Variants in TTN observed in about 807,000 individuals in gnomAD.
The protein encoded by TTN is titin.
A neutral mutation model predicts 3,223.0 loss-of-function variants in TTN; 1,525 were observed. The ratio of observed to expected loss-of-function variants is 0.47; its 90% confidence interval spans 0.45 to 0.49. The LOEUF (loss-of-function observed/expected upper bound fraction) is 0.49. Ranked by LOEUF, TTN falls within the 20% of genes least tolerant of loss-of-function variation. The pLI is 0.00. For missense variants in TTN, 40,786 were observed against 43,424.0 expected, an observed-to-expected ratio of 0.94 and a Z score of 5.40; for synonymous variants, 14,094 against 15,161.0, an observed-to-expected ratio of 0.93 and a Z score of 5.17.
chr2:178,758,895 G>T, intron 44 of TTN, 89 bp downstream of exon 44: 1 of 1,318,930 alleles, frequency 7.6e-7, no homozygotes, highest in Non-Finnish European at 1.1e-6. Context: ...GAACAACAAT[G>T]ATTTACATGA....
At chr2:178,806,743 G>A (rs1403056132) in intron 1 of TTN, among the ~76,000 whole-genome samples, 1 of 152,200 alleles carries the variant, frequency 6.6e-6, no homozygotes, top group African/African-American at 2.4e-5. Context: ...CAGCAGGCAA[G>A]TGTTCTGTCA....
At chr2:178,693,125 C>A (rs2072881444) in intron 119 of TTN, among the ~76,000 whole-genome samples, 1 of 151,868 alleles carries the variant, frequency 6.6e-6, no homozygotes, top group African/African-American at 2.4e-5. Context: ...TATGGCATTT[C>A]CACCACACAG....
rs1404462483 is a variant in TTN at position 178,531,977 on chromosome 2, C to T, written c.104638G>A (p.Glu34880Lys). ...CTGGGGGATCGTGGGCGAGTTCTCTCTGGAGTAGGTGACCTTCTTTCTGTG... is the reference window on the plus strand; with the variant it reads ...CTGGGGGATCGTGGGCGAGTTCTCTTTGGAGTAGGTGACCTTCTTTCTGTG... The part of the protein sequence containing the change: ...DDTERRSPTP[E>K]RTRPRSPSPV... The change falls in exon 358 of 363, where the codon GAG becomes AAG. Residue 34880 changes from glutamate to lysine, a missense_variant. Coordinates refer to ENST00000589042, the MANE Select transcript of TTN (RefSeq NM_001267550.2). 1 of 1,613,748 alleles carries T rather than the reference C, an allele frequency of 6.2e-7. No individual in the cohort carries two copies. Among genetic ancestry groups the T allele is most frequent in the Non-Finnish European group, 8.5e-7 (1 of 1,179,822 alleles).
Position 178,629,298 on chromosome 2 carries a change from T to C in TTN, c.44424+3A>G. ...GGAAAGACAAGGCATGCCTGCTTTT[T>C]ACCTTATCGCTGGGCTCTAGTTTCT... On this transcript the variant is annotated splice_donor_region_variant and intron_variant, in intron 240 of 362. Coordinates refer to ENST00000589042, the MANE Select transcript of TTN (RefSeq NM_001267550.2). 1 of 1,612,234 alleles carries C rather than the reference T, an allele frequency of 6.2e-7. No homozygotes were observed. The highest frequency in any genetic ancestry group is 8.5e-7 in the Non-Finnish European group (1 of 1,178,996).
intron 47 of TTN, chr2:178,749,338 G>A: frequency 1.9e-6 from 3 of 1,612,698 alleles, no homozygotes; most frequent in Non-Finnish European, 1.7e-6. Context: ...GACATTGTAT[G>A]AATTCAGCCC....
rs773238847 is a variant in TTN, at chr2:178,599,792, G to A, written c.56109C>T (p.Asn18703=). The part of the protein sequence containing the change: ...FMEVEEGTNV[N]IVAKIKGVPF... The stretch of plus-strand genomic sequence containing the variant: ...GCACACCTTTAATTTTGGCCACAAT[G>A]TTAACATTGGTTCCTTCTTCAACCT... The change falls in exon 289 of 363, where the codon AAC becomes AAT. Residue 18703 remains asparagine (N), a synonymous_variant. Transcript: ENST00000589042. 1 of 1,609,914 alleles carries A rather than the reference G, an allele frequency of 6.2e-7. No individual in the cohort carries two copies. Among genetic ancestry groups the A allele is most frequent in the East Asian group, 2.2e-5 (1 of 44,594 alleles).
At chr2:178,609,071 A>G in intron 273 of TTN, 137 bp downstream of exon 273, 4 of 1,282,378 alleles carry the variant, frequency 3.1e-6, no homozygotes, top group Non-Finnish European at 4.2e-6. Flanking sequence ...TTTCTTTTAC[A>G]TGGCCAGCAG....
At chr2:178,647,018 A>C in intron 215 of TTN, 46 bp downstream of exon 215, 1 of 704,838 alleles carries the variant, frequency 1.4e-6, no homozygotes, top group Non-Finnish European at 2.0e-6. Flanking sequence ...TCTAACAGGA[A>C]TCTTCAGGAG....
Position 178,563,658 on chromosome 2 carries a change from G to C in TTN, c.82474C>G (p.Arg27492Gly). The C allele has an allele frequency of 6.2e-7, 1 of 1,613,686 alleles. No individual in the cohort carries two copies. The highest frequency in any genetic ancestry group is 8.5e-7 in the Non-Finnish European group (1 of 1,179,758). ...TCGGTACCTCCGTCGTCTACTGGGC[G>C]TGCCCATGTTACTACCATAGAATCT... ...TKDSMVVTWA[R>G]PVDDGGTEIE... Residue 27492 changes from arginine (R) to glycine (G), a missense_variant, in exon 326 of 363, where the codon CGC becomes GGC. Transcript: ENST00000589042. The surrounding 1 kb of genome is among the most constrained non-coding windows in gnomAD (Gnocchi z 4.5).
rs772733348 is a variant in TTN, at chr2:178,588,725, C to A, written c.63000G>T (p.Leu21000Phe). ...GTGTTGAATGCTTTTCCTTTTTCTC[C>A]AAAAAGTATCCAGTTATAGACTTTC... ...DGGKSITGYF[L>F]EKKEKHSTRW... Residue 21000 changes from leucine to phenylalanine, a missense_variant, in exon 304 of 363, where the codon TTG becomes TTT. Coordinates refer to ENST00000589042, the MANE Select transcript of TTN (RefSeq NM_001267550.2). 2.5e-6 allele frequency: 4 copies of A among 1,613,050 alleles called. No individual in the cohort carries two copies. Among genetic ancestry groups the A allele is most frequent in the Middle Eastern group, 3.3e-4 (2 of 6,050 alleles).
chr2:178,767,042 C>T (rs935651894), intron 40 of TTN, among the ~76,000 whole-genome samples: 1 of 152,160 alleles, frequency 6.6e-6, no homozygotes, highest in Non-Finnish European at 1.5e-5. Context: ...AGTGAGAACA[C>T]TGAGGTTCAG....
At position 178,568,895 on chromosome 2, in the gene TTN, G is replaced by A; in HGVS notation, c.77237C>T (p.Ser25746Leu). ...AAGAGACTTTACTCGAGCACACTCTGACCATTTCTCACTGTGTTTAGCTTG... is the reference window on the plus strand; with the variant it reads ...AAGAGACTTTACTCGAGCACACTCTAACCATTTCTCACTGTGTTTAGCTTG... ...EMQAKHSEKWSECARVKSLQA... is the reference protein window; with the variant it reads ...EMQAKHSEKWLECARVKSLQA... Residue 25746 changes from serine (S) to leucine (L), a missense_variant, in exon 326 of 363, where the codon TCA (serine) becomes TTA (leucine). Physicochemically the swap from Ser to Leu is moderately radical, Grantham distance 145 (BLOSUM62 -2). Transcript: ENST00000589042. 1 of 1,613,186 alleles carries A rather than the reference G, an allele frequency of 6.2e-7. No individual in the cohort carries two copies. Among genetic ancestry groups the A allele is most frequent in the Non-Finnish European group, 8.5e-7 (1 of 1,179,540 alleles).
Position 178,666,816 on chromosome 2 carries a change from A to G in TTN, c.35875+8T>C. On this transcript the variant is annotated splice_region_variant and intron_variant, in intron 163 of 362. Coordinates refer to ENST00000589042, the MANE Select transcript of TTN (RefSeq NM_001267550.2). ...AGATTAAAAAGGTGACTTTCTTCCA[A>G]CTTGTACCTGTTGGTGATGGTGTTT... is the stretch of plus-strand genomic sequence containing the variant. 9 of 1,554,786 alleles carry G rather than the reference A, an allele frequency of 5.8e-6. No individual in the cohort carries two copies. Among genetic ancestry groups the G allele is most frequent in the Non-Finnish European group, 7.0e-6 (8 of 1,150,234 alleles).
At position 178,557,318 on chromosome 2, in the gene TTN, T is replaced by A; in HGVS notation, c.87944A>T (p.Glu29315Val). ...GLIYEFRVYA[E>V]NAAGVGKPSH... is the part of the protein sequence containing the mutation. Reference sequence around the variant, plus strand: ...AGGTTTTCCAACTCCAGCAGCATTTTCTGCATACACCCTGAATTCATAAAT... The same window carrying A: ...AGGTTTTCCAACTCCAGCAGCATTTACTGCATACACCCTGAATTCATAAAT... Residue 29315 changes from glutamate to valine, a missense_variant, in exon 329 of 363, where the codon GAA becomes GTA. Transcript: ENST00000589042. 6.2e-7 allele frequency: 1 copy of A among 1,613,990 alleles called. No homozygotes were observed. The highest frequency in any genetic ancestry group is 2.2e-5 in the East Asian group (1 of 44,850).
At position 178,751,693 on chromosome 2, in the gene TTN, C is replaced by A. The variant is rs527359787; in HGVS notation, c.11311+1431G>T. On this transcript the variant is annotated intron_variant, in intron 47 of 362. Coordinates refer to ENST00000589042, the MANE Select transcript of TTN (RefSeq NM_001267550.2). Reference sequence around the variant, plus strand: ...AACTTCCAGAATCTCTGTCTTGGACCCTTTTAATCTCTAAGCTGGAAGAGT... The same window carrying A: ...AACTTCCAGAATCTCTGTCTTGGACACTTTTAATCTCTAAGCTGGAAGAGT... 1.2e-6 allele frequency: 2 copies of A among 1,613,264 alleles called. No individual in the cohort carries two copies. The highest frequency in any genetic ancestry group is 1.7e-6 in the Non-Finnish European group (2 of 1,179,458).
Position 178,612,835 on chromosome 2 carries a change from T to A in TTN, c.49886A>T (p.Asn16629Ile), listed in dbSNP as rs761960063. ...QEYSFRVRAV[N>I]KAGESEPSEP... ...ACTGGGTTCACTTTCCCCAGCCTTATTCACAGCTCTAACTCGGAATGAGTA... is the reference window on the plus strand; with the variant it reads ...ACTGGGTTCACTTTCCCCAGCCTTAATCACAGCTCTAACTCGGAATGAGTA... Residue 16629 changes from asparagine to isoleucine, a missense_variant, in exon 265 of 363, where the codon AAT (asparagine) becomes ATT (isoleucine). Physicochemically the swap from Asn to Ile is moderately radical, Grantham distance 149. Coordinates refer to ENST00000589042, the MANE Select transcript of TTN (RefSeq NM_001267550.2). The A allele has an allele frequency of 6.2e-7, 1 of 1,612,550 alleles. No individual in the cohort carries two copies.
chr2:178,699,435 G>A (rs1301570049), intron 111 of TTN, among the ~76,000 whole-genome samples: 3 of 55,388 alleles, frequency 5.4e-5, no homozygotes, highest in South Asian at 6.5e-4. Context: ...TTTTTGAGAC[G>A]GAGTCCCGCT....
Position 178,697,140 on chromosome 2 carries a change from A to G in TTN, c.30783T>C (p.Thr10261=). The G allele has an allele frequency of 6.4e-7, 1 of 1,553,894 alleles. No homozygotes were observed. The highest frequency in any genetic ancestry group is 1.2e-5 in the South Asian group (1 of 83,062). Residue 10261 remains threonine, a synonymous_variant, in exon 113 of 363, where the codon ACT becomes ACC. Coordinates refer to ENST00000589042, the MANE Select transcript of TTN (RefSeq NM_001267550.2). ...EEIVKKPPPP[T]TLIPAKAPEI... is the part of the protein sequence containing the mutation. ...ATTTACCTTTTGCTGGAATTAAGGTAGTAGGAGGTGGAGGCTTCTTGACAA... is the reference window on the plus strand; with the variant it reads ...ATTTACCTTTTGCTGGAATTAAGGTGGTAGGAGGTGGAGGCTTCTTGACAA...
In TTN at chr2:178,793,554, G is replaced by C; in HGVS notation, c.1399-13C>G. 6.2e-7 allele frequency: 1 copy of C among 1,612,976 alleles called. No individual in the cohort carries two copies. Among genetic ancestry groups the C allele is most frequent in the Non-Finnish European group, 8.5e-7 (1 of 1,179,990 alleles). On this transcript the variant is annotated splice_polypyrimidine_tract_variant and intron_variant, in intron 8 of 362. Coordinates refer to ENST00000589042, the MANE Select transcript of TTN (RefSeq NM_001267550.2). ...CTTCCTTTCTTACCTGCTTTTCATA[G>C]AGAAAGGAAGAAAACACCTTAATGC...
Sources: gnomAD v4.1 joint callset for allele counts (sites outside exome capture counted in the v4.1 genomes callset) on GRCh38, gnomAD v4.1.1 for gene constraint, Gnocchi (gnomAD v3.1) non-coding constraint, MANE v1.5 for transcripts, NCBI Gene and HGNC (gene_info 2026-07-23, HGNC 2026-07-21) for gene names.